Variants in AMBRA1 observed in about 807,000 individuals in gnomAD.
The protein encoded by AMBRA1 is activating molecule in BECN1-regulated autophagy protein 1.
AMBRA1 carries 47 observed loss-of-function variants against 125.4 expected under a neutral mutation model. That is an observed-to-expected ratio of 0.37 (90% CI 0.30 to 0.48). The LOEUF (loss-of-function observed/expected upper bound fraction) is 0.48. AMBRA1 is among the 20% of genes least tolerant of loss of function. AMBRA1 has a pLI of 0.99. For synonymous variants in AMBRA1, 626 were observed against 655.5 expected, an observed-to-expected ratio of 0.95 and a Z score of 0.69; for missense variants, 1,331 against 1,693.4, an observed-to-expected ratio of 0.79 and a Z score of 3.76.
At chr11:46,460,866 C>T (rs1018184028) in intron 11 of AMBRA1, among the ~76,000 whole-genome samples, 2 of 152,076 alleles carry the variant, frequency 1.3e-5, no homozygotes, top group African/African-American at 4.8e-5. Flanking sequence ...GTGGGAAGAT[C>T]ACTGGAGGCC....
At chr11:46,487,899 T>C (rs993065744) in intron 11 of AMBRA1, among the ~76,000 whole-genome samples, 1 of 152,100 alleles carries the variant, frequency 6.6e-6, no homozygotes, top group African/African-American at 2.4e-5. Flanking sequence ...GCTCCAATCA[T>C]ATGCTTTCTA....
intron 11 of AMBRA1, among the ~76,000 whole-genome samples, chr11:46,482,055 T>C (rs1324704837): frequency 6.6e-6 from 1 of 152,258 alleles, no homozygotes; most frequent in Non-Finnish European, 1.5e-5. Flanking sequence ...GGTAATGTGA[T>C]GTGATGTTTC....
At chr11:46,478,621 G>A (rs1190294030) in intron 11 of AMBRA1, among the ~76,000 whole-genome samples, 4 of 146,568 alleles carry the variant, frequency 2.7e-5, no homozygotes, top group African/African-American at 1.0e-4. Flanking sequence ...CCTAAGGCAA[G>A]ATATTTCTTG....
intron 11 of AMBRA1, among the ~76,000 whole-genome samples, chr11:46,463,925 C>T (rs1490810770): frequency 6.6e-6 from 1 of 152,244 alleles, no homozygotes; most frequent in Non-Finnish European, 1.5e-5. Context: ...CTCTGCAAGG[C>T]TCTTGCCTTG....
chr11:46,463,004 T>C (rs1234481501), intron 11 of AMBRA1, among the ~76,000 whole-genome samples: 2 of 152,140 alleles, frequency 1.3e-5, no homozygotes, highest in Non-Finnish European at 2.9e-5. Context: ...TCCACCTACC[T>C]TGGCCTTTCA....
intron 7 of AMBRA1, among the ~76,000 whole-genome samples, chr11:46,525,042 G>A (rs757576728): frequency 1.3e-5 from 2 of 152,224 alleles, no homozygotes; most frequent in African/African-American, 2.4e-5. Flanking sequence ...TCTCATGCCT[G>A]TAATCCCAGC....
chr11:46,460,815 G>A (rs576194218), intron 11 of AMBRA1, among the ~76,000 whole-genome samples: 9 of 152,204 alleles, frequency 5.9e-5, no homozygotes, highest in Middle Eastern at 3.4e-3. Flanking sequence ...GGCCAGGCAC[G>A]GTGGCTCACA....
At chr11:46,485,726 G>GA (rs1950246841) in intron 11 of AMBRA1, among the ~76,000 whole-genome samples, 1 of 152,150 alleles carries the variant, frequency 6.6e-6, no homozygotes, top group South Asian at 2.1e-4. Flanking sequence ...ATTTCCTGGG[G>GA]AAAAGAGAGA....
At chr11:46,583,652 C>CAAAAAAAAAAAAAA (rs1398623719) in intron 1 of AMBRA1, among the ~76,000 whole-genome samples, 242 of 12,424 alleles carry the variant, frequency 0.019, 29 homozygotes, top group Middle Eastern at 0.2. Context: ...AACAAATTTC[C>CAAAAAAAAAAAAAA]AAAAAAAAAA....
In AMBRA1 at chr11:46,552,660, CAG is replaced by C. The variant is rs199915642; in HGVS notation, c.-120-4162_-120-4161del. Among the ~76,000 whole-genome samples the C allele has an allele frequency of 2.2e-3, 284 of 130,520 alleles. 1 individual carries two copies. The highest frequency in any genetic ancestry group is 7.4e-3 in the African/African-American group (256 of 34,560). 85.6% of individuals were successfully genotyped at this position (130,520 alleles called of 152,430 possible). On this transcript the variant is annotated intron_variant, in intron 1 of 17. Coordinates refer to ENST00000683756, the MANE Select transcript of AMBRA1 (RefSeq NM_001387011.1). The stretch of plus-strand genomic sequence containing the variant: ...TGCCATTGCACTCCAGCCTGGGCAA[CAG>C]AGCGAGATTCTGTCTCAAAAAAAAA...
intron 1 of AMBRA1, among the ~76,000 whole-genome samples, chr11:46,585,493 C>T (rs1272841757): frequency 1.4e-5 from 2 of 147,642 alleles, no homozygotes; most frequent in Non-Finnish European, 3.0e-5. Flanking sequence ...TGGTGAAAGC[C>T]CGACTCTACT....
chr11:46,515,245 G>T (rs1951425397), intron 7 of AMBRA1, among the ~76,000 whole-genome samples: 1 of 152,144 alleles, frequency 6.6e-6, no homozygotes, highest in African/African-American at 2.4e-5. Context: ...AGGCCAGATG[G>T]GTGAACTGCC....
chr11:46,549,590 C>T (rs2042926878), intron 1 of AMBRA1, among the ~76,000 whole-genome samples: 1 of 152,104 alleles, frequency 6.6e-6, no homozygotes, highest in Admixed American at 6.6e-5. Flanking sequence ...CTCATAACCA[C>T]AATAACAATA....
At chr11:46,455,972 T>C (rs886466825) in intron 11 of AMBRA1, among the ~76,000 whole-genome samples, 1 of 152,142 alleles carries the variant, frequency 6.6e-6, no homozygotes, top group East Asian at 1.9e-4. Context: ...CACCATGCTA[T>C]AGACTTGCCC....
chr11:46,421,648 CT>C (rs1215788495), intron 14 of AMBRA1, among the ~76,000 whole-genome samples: 2 of 152,190 alleles, frequency 1.3e-5, no homozygotes, highest in Non-Finnish European at 2.9e-5. Flanking sequence ...GTGTCTACCC[CT>C]TTCCCGGGCC....
intron 9 of AMBRA1, among the ~76,000 whole-genome samples, chr11:46,503,613 C>T (rs910027046): frequency 6.6e-6 from 1 of 152,002 alleles, no homozygotes; most frequent in East Asian, 1.9e-4. Context: ...ACCTGCAAAG[C>T]GCAAAAAAAG....
rs537387168 is a variant in AMBRA1 at position 46,542,598 on chromosome 11, C to T, written c.1419G>A (p.Pro473=). The T allele has an allele frequency of 6.2e-6, 10 of 1,613,896 alleles. No individual in the cohort carries two copies. In the South Asian group the frequency reaches 6.6e-5, roughly 11 times the overall value. The change falls in exon 7 of 18, where the codon CCG becomes CCA. Residue 473 remains proline (P), a synonymous_variant. Coordinates refer to ENST00000683756, the MANE Select transcript of AMBRA1 (RefSeq NM_001387011.1). The surrounding 1 kb of genome is among the most constrained non-coding windows in gnomAD (Gnocchi z 5.9). ...YTSATEGRGF[P]ASGLATESDG... ...CTGACTCAGTTGCCAACCCTGATGC[C>T]GGAAAACCCCTCCCTTCTGTGGCTG...
Position 46,460,012 on chromosome 11 carries a change from T to C in AMBRA1, c.2522-16414A>G, listed in dbSNP as rs554680035. Among the ~76,000 whole-genome samples the C allele has an allele frequency of 3.3e-5, 5 of 152,302 alleles. No individual in the cohort carries two copies. In the South Asian group the frequency reaches 8.3e-4, roughly 25 times the overall value. On this transcript the variant is annotated intron_variant, in intron 11 of 17. Coordinates refer to ENST00000683756, the MANE Select transcript of AMBRA1 (RefSeq NM_001387011.1). ...ACATGTTTAAGAAGTAAGAGTGTTA[T>C]AGCTTTAGTAGCCAAAAAATCTGTG...
chr11:46,476,033 C>T (rs1477604040), intron 11 of AMBRA1, among the ~76,000 whole-genome samples: 4 of 152,114 alleles, frequency 2.6e-5, no homozygotes, highest in Admixed American at 2.6e-4. Context: ...AGGGGAGACA[C>T]TAATATCACA....
Sources: allele counts gnomAD v4.1 joint callset (sites outside exome capture counted in the v4.1 genomes callset), GRCh38; gene constraint gnomAD v4.1.1; non-coding constraint Gnocchi (gnomAD v3.1); transcripts MANE v1.5; gene names NCBI Gene and HGNC (gene_info 2026-07-23, HGNC 2026-07-21).